MYH14: variants seen among roughly 807,000 people sequenced by gnomAD.
The protein encoded by MYH14 is myosin-14.
A neutral mutation model predicts 255.5 loss-of-function variants in MYH14; 123 were observed. The observed-to-expected ratio is 0.48, with a 90% CI of 0.42 to 0.56. The LOEUF (loss-of-function observed/expected upper bound fraction) is 0.56, where lower values mean the gene tolerates loss of function less well. Ranked by LOEUF, MYH14 falls within the 20% of genes least tolerant of loss-of-function variation. MYH14 has a pLI of 0.00. For missense variants in MYH14, 2,423 were observed against 2,802.3 expected, an observed-to-expected ratio of 0.86 and a Z score of 3.06; for synonymous variants, 1,095 against 1,161.2, an observed-to-expected ratio of 0.94 and a Z score of 1.16.
In MYH14 at chr19:50,263,298, A is replaced by G. The variant is rs1031486690; in HGVS notation, c.2586-14A>G. The G allele has an allele frequency of 5.3e-6, 8 of 1,518,454 alleles. No individual in the cohort carries two copies. The highest frequency in any genetic ancestry group is 1.4e-5 in the African/African-American group (1 of 72,232). The allele number at this position is 1,518,454 out of a possible 1,614,324, so 94.1% of individuals were successfully genotyped here. A position where few individuals can be genotyped will look rare whatever the true frequency, so the allele number is the denominator to read the frequency against. ...GAGGCTCCCACTCTGCCCCTCACCC[A>G]TTTCCCCACCCAGGGCCTTCCAGAA... On this transcript the variant is annotated splice_polypyrimidine_tract_variant and intron_variant, in intron 21 of 42. Coordinates refer to ENST00000642316, the MANE Select transcript of MYH14 (RefSeq NM_001145809.2).
At chr19:50,274,462 T>A (rs957830298) in intron 27 of MYH14, among the ~76,000 whole-genome samples, 2 of 152,136 alleles carry the variant, frequency 1.3e-5, no homozygotes, top group African/African-American at 4.8e-5. Flanking sequence ...ACCCAGCTAA[T>A]TTTTGTATTT....
At chr19:50,238,710 C>G (rs369317450) in intron 10 of MYH14, among the ~76,000 whole-genome samples, 4 of 152,232 alleles carry the variant, frequency 2.6e-5, no homozygotes, top group African/African-American at 7.2e-5. Flanking sequence ...CCTTGGCCTC[C>G]CAAAGTGCTG....
chr19:50,218,405 G>A (rs1292899897), intron 3 of MYH14, among the ~76,000 whole-genome samples: 2 of 151,826 alleles, frequency 1.3e-5, no homozygotes, highest in African/African-American at 4.8e-5. Flanking sequence ...GACCATTCTG[G>A]CTAACACGGT....
At chr19:50,208,553 C>T (rs1257626973) in intron 1 of MYH14, among the ~76,000 whole-genome samples, 6 of 152,126 alleles carry the variant, frequency 3.9e-5, no homozygotes, top group Non-Finnish European at 8.8e-5. Context: ...ACCATACTAT[C>T]TAATTTACAT....
rs1264405449 is a variant in MYH14, at chr19:50,289,307, A to T, written c.4753-129A>T. The T allele has an allele frequency of 1.1e-4, 85 of 747,420 alleles. No homozygotes were observed. In the Admixed American group the frequency reaches 1.4e-3, roughly 13 times the overall value. 46.3% of individuals were successfully genotyped at this position (747,420 alleles called of 1,614,324 possible). A position where few individuals can be genotyped will look rare whatever the true frequency, so the allele number is the denominator to read the frequency against. On this transcript the variant is annotated intron_variant, in intron 34 of 42. Coordinates refer to ENST00000642316, the MANE Select transcript of MYH14 (RefSeq NM_001145809.2). ...TCAGCAGATTTTGAATGGATGAATG[A>T]ACAAACTAGGATGGGCACACTGACT...
At chr19:50,301,097 A>G (rs2036466381) in intron 39 of MYH14, among the ~76,000 whole-genome samples, 1 of 152,208 alleles carries the variant, frequency 6.6e-6, no homozygotes, top group South Asian at 2.1e-4. Context: ...GAGCTGAATA[A>G]ATAAACGGGA....
chr19:50,276,618 C>A lies in MYH14; in HGVS notation c.3681-139C>A. ...AGCCACACTCCTTCCACAGCATCAC[C>A]ACCCAGATCTCCTGAGGAGCATAAC... is the stretch of plus-strand genomic sequence containing the variant. On this transcript the variant is annotated intron_variant, in intron 28 of 42. Transcript: ENST00000642316. The surrounding 1 kb of genome is among the most constrained non-coding windows in gnomAD (Gnocchi z 4.3). The A allele has an allele frequency of 9.2e-7, 1 of 1,091,052 alleles. No individual in the cohort carries two copies. The highest frequency in any genetic ancestry group is 1.5e-5 in the South Asian group (1 of 67,532). 67.6% of individuals were successfully genotyped at this position (1,091,052 alleles called of 1,614,324 possible).
chr19:50,224,112 G>A, intron 5 of MYH14, 42 bp from the exon 6 acceptor site: 1 of 1,558,032 alleles, frequency 6.4e-7, no homozygotes, highest in Non-Finnish European at 8.8e-7. Flanking sequence ...CGTTCCATGT[G>A]CTGTGTCCTG....
chr19:50,217,821 G>C, intron 3 of MYH14, 50 bp downstream of exon 3: 1 of 1,593,240 alleles, frequency 6.3e-7, no homozygotes, highest in Non-Finnish European at 8.5e-7. Flanking sequence ...TTCAACGGGG[G>C]CCTGACCTGG....
chr19:50,205,984 C>T (rs1413315703), intron 1 of MYH14, among the ~76,000 whole-genome samples: 1 of 152,206 alleles, frequency 6.6e-6, no homozygotes, highest in Non-Finnish European at 1.5e-5. Context: ...CTCGGCCCCT[C>T]CCAGGGCAGG....
At chr19:50,286,803 T>A in intron 34 of MYH14, 109 bp downstream of exon 34, 1 of 1,081,646 alleles carries the variant, frequency 9.2e-7, no homozygotes, top group Non-Finnish European at 1.3e-6. Context: ...CAAAGTCATA[T>A]GTTCATGCAC....
chr19:50,224,781 T>A (rs2033013287), intron 6 of MYH14: 1 of 456,262 alleles, frequency 2.2e-6, no homozygotes, highest in Admixed American at 2.4e-5. Context: ...TTGAAGCACT[T>A]TACATAGGTG....
At chr19:50,241,207 C>T (rs971085013) in intron 10 of MYH14, among the ~76,000 whole-genome samples, 15 of 152,086 alleles carry the variant, frequency 9.9e-5, no homozygotes, top group African/African-American at 3.6e-4. Context: ...GAGGCCCAGG[C>T]GGGCGGATCA....
intron 27 of MYH14, among the ~76,000 whole-genome samples, chr19:50,273,524 T>C (rs1264533867): frequency 6.6e-6 from 1 of 152,080 alleles, no homozygotes; most frequent in African/African-American, 2.4e-5. Context: ...AAGACCCACT[T>C]GATTACAAGT....
At chr19:50,241,432 T>A (rs570573493) in intron 10 of MYH14, among the ~76,000 whole-genome samples, 37 of 150,618 alleles carry the variant, frequency 2.5e-4, no homozygotes, top group African/African-American at 9.0e-4. Flanking sequence ...AGACTCTATC[T>A]CAAAAGAAAA....
intron 27 of MYH14, among the ~76,000 whole-genome samples, chr19:50,274,093 G>A (rs773141872): frequency 6.6e-6 from 1 of 152,160 alleles, no homozygotes; most frequent in Non-Finnish European, 1.5e-5. Context: ...GGTTAAAGAA[G>A]AAAGTGCTCC....
Position 50,276,738 on chromosome 19 carries a change from C to T in MYH14, c.3681-19C>T. 5 of 1,613,248 alleles carry T rather than the reference C, an allele frequency of 3.1e-6. No homozygotes were observed. The highest frequency in any genetic ancestry group is 2.2e-5 in the South Asian group (2 of 91,044). On this transcript the variant is annotated intron_variant, in intron 28 of 42. Coordinates refer to ENST00000642316, the MANE Select transcript of MYH14 (RefSeq NM_001145809.2). The surrounding 1 kb of genome is among the most constrained non-coding windows in gnomAD (Gnocchi z 4.3). ...CTCTGCTCTGAAATTCCCATCCTCTCTCCTTTCCCCCAATAAAGGTCCAAG... is the reference window on the plus strand; with the variant it reads ...CTCTGCTCTGAAATTCCCATCCTCTTTCCTTTCCCCCAATAAAGGTCCAAG...
At chr19:50,222,703 C>T (rs2032896799) in intron 3 of MYH14, among the ~76,000 whole-genome samples, 1 of 152,094 alleles carries the variant, frequency 6.6e-6, no homozygotes, top group Admixed American at 6.6e-5. Flanking sequence ...CCAGGGCAGG[C>T]GCTGGGGTAG....
At chr19:50,222,188 AC>A (rs560102797) in intron 3 of MYH14, among the ~76,000 whole-genome samples, 101 of 152,098 alleles carry the variant, frequency 6.6e-4, no homozygotes, top group African/African-American at 1.7e-3. Context: ...CCGTTTAAGA[AC>A]CACTGCTTCG....
Sources: allele counts gnomAD v4.1 joint callset (sites outside exome capture counted in the v4.1 genomes callset), GRCh38; gene constraint gnomAD v4.1.1; non-coding constraint Gnocchi (gnomAD v3.1); transcripts MANE v1.5; gene names NCBI Gene and HGNC (gene_info 2026-07-23, HGNC 2026-07-21).